SCN8A: variants seen among roughly 807,000 people sequenced by gnomAD.
The protein encoded by SCN8A is sodium channel protein type 8 subunit alpha.
SCN8A carries 30 observed loss-of-function variants against 184.1 expected under a neutral mutation model. The ratio of observed to expected loss-of-function variants is 0.16; its 90% confidence interval spans 0.12 to 0.22. The LOEUF (loss-of-function observed/expected upper bound fraction) is 0.22. Among genes scored for constraint, SCN8A ranks in the 10% least tolerant of loss-of-function variants. The probability of loss-of-function intolerance (pLI) is 1.00; values close to 1 mark genes in which losing one functional copy is unlikely to be tolerated. For synonymous variants in SCN8A, 852 were observed against 907.0 expected (o/e 0.94, Z 1.09); for missense variants, 1,057 against 2,498.9 (o/e 0.42, Z 12.30).
chr12:51,633,967 A>G (rs1940257193), intron 1 of SCN8A, among the ~76,000 whole-genome samples: 1 of 152,214 alleles, frequency 6.6e-6, no homozygotes, highest in Non-Finnish European at 1.5e-5. Flanking sequence ...TATCTACCCA[A>G]GAGAAACTTA....
intron 1 of SCN8A, among the ~76,000 whole-genome samples, chr12:51,653,940 C>G (rs1252814078): frequency 6.6e-6 from 1 of 152,140 alleles, no homozygotes; most frequent in African/African-American, 2.4e-5. Flanking sequence ...TTCATATTAC[C>G]TAATGATTAA....
chr12:51,774,328 A>G lies in SCN8A; in HGVS notation c.3785A>G (p.Asn1262Ser). The part of the protein sequence containing the change: ...TAYGFVKFFT[N>S]AWCWLDFLIV... ...TATGGCTTCGTCAAGTTCTTCACCAATGCCTGGTGTTGGCTGGACTTCCTC... is the reference window on the plus strand; with the variant it reads ...TATGGCTTCGTCAAGTTCTTCACCAGTGCCTGGTGTTGGCTGGACTTCCTC... Residue 1262 changes from asparagine to serine, a missense_variant, in exon 20 of 27, where the codon AAT becomes AGT. Physicochemically the swap from Asn to Ser is conservative, Grantham distance 46. Coordinates refer to ENST00000627620, the MANE Select transcript of SCN8A (RefSeq NM_001330260.2). 1.2e-6 allele frequency: 2 copies of G among 1,613,006 alleles called. No homozygotes were observed. The highest frequency in any genetic ancestry group is 1.7e-6 in the Non-Finnish European group (2 of 1,179,388).
intron 19 of SCN8A, 84 bp from the exon 20 acceptor site, chr12:51,774,105 G>A: frequency 7.8e-7 from 1 of 1,279,942 alleles, no homozygotes; most frequent in Non-Finnish European, 1.1e-6. Flanking sequence ...AGCCCATGTG[G>A]GACGGCTCCC....
chr12:51,686,539 C>A, intron 4 of SCN8A, 82 bp downstream of exon 4: 5 of 922,646 alleles, frequency 5.4e-6, no homozygotes, highest in Admixed American at 4.7e-5. Flanking sequence ...GTTTACCCAT[C>A]AAGGAGAAAA....
intron 1 of SCN8A, among the ~76,000 whole-genome samples, chr12:51,612,320 C>G (rs1490062473): frequency 1.3e-5 from 2 of 152,170 alleles, no homozygotes; most frequent in East Asian, 3.9e-4. Context: ...TGCCACCACA[C>G]TTGGCTAATT....
intron 12 of SCN8A, among the ~76,000 whole-genome samples, chr12:51,737,856 CAGTT>C (rs1942353191): frequency 6.6e-6 from 1 of 152,144 alleles, no homozygotes; most frequent in Non-Finnish European, 1.5e-5. Context: ...GCTTTTAAGT[CAGTT>C]AACATTCTCC....
intron 19 of SCN8A, among the ~76,000 whole-genome samples, chr12:51,772,723 G>A (rs1365073348): frequency 6.6e-6 from 1 of 151,514 alleles, no homozygotes; most frequent in Admixed American, 6.6e-5. Flanking sequence ...GCTCACACCT[G>A]TAATCCCAGC....
At chr12:51,758,212 C>T (rs1942706842) in intron 14 of SCN8A, among the ~76,000 whole-genome samples, 1 of 152,138 alleles carries the variant, frequency 6.6e-6, no homozygotes, top group South Asian at 2.1e-4. Flanking sequence ...ATCCCAGCTA[C>T]TCAGGATGCT....
chr12:51,702,321 C>CAA (rs747855764), intron 8 of SCN8A, among the ~76,000 whole-genome samples: 926 of 76,472 alleles, frequency 0.012, 13 homozygotes, highest in African/African-American at 0.032. Flanking sequence ...GACTCTGTAT[C>CAA]AAAAAAAAAA....
At chr12:51,711,700 T>C (rs1352610900) in intron 11 of SCN8A, among the ~76,000 whole-genome samples, 1 of 144,848 alleles carries the variant, frequency 6.9e-6, no homozygotes, top group African/African-American at 2.5e-5. Context: ...TTTATTTCCA[T>C]AGCTTCTGAG....
chr12:51,660,758 GTGCT>G (rs995528165), intron 1 of SCN8A, among the ~76,000 whole-genome samples: 1 of 152,262 alleles, frequency 6.6e-6, no homozygotes, highest in Non-Finnish European at 1.5e-5. Context: ...TACCAGCAAG[GTGCT>G]TGGAATAATG....
At chr12:51,720,817 G>A (rs1942040683) in intron 11 of SCN8A, among the ~76,000 whole-genome samples, 1 of 151,844 alleles carries the variant, frequency 6.6e-6, no homozygotes, top group Non-Finnish European at 1.5e-5. Flanking sequence ...TGTAATCCCA[G>A]CACTTTGGGA....
At chr12:51,727,221 G>A (rs1448319394) in intron 12 of SCN8A, among the ~76,000 whole-genome samples, 1 of 152,000 alleles carries the variant, frequency 6.6e-6, no homozygotes, top group Admixed American at 6.6e-5. Context: ...CTTGTACGGG[G>A]TTTAACTTCC....
intron 17 of SCN8A, among the ~76,000 whole-genome samples, 174 bp from the exon 18 acceptor site, chr12:51,769,694 T>C (rs1942893108): frequency 6.6e-6 from 1 of 152,180 alleles, no homozygotes; most frequent in Non-Finnish European, 1.5e-5. Flanking sequence ...TTATATCCCA[T>C]CTGGACAGAA....
At chr12:51,638,891 G>A (rs1051424072) in intron 1 of SCN8A, among the ~76,000 whole-genome samples, 11 of 152,216 alleles carry the variant, frequency 7.2e-5, no homozygotes, top group Admixed American at 6.5e-4. Flanking sequence ...AGAATTAGAA[G>A]TGGAGCCTAG....
Position 51,807,298 on chromosome 12 carries a change from A to C in SCN8A, c.5812A>C (p.Thr1938Pro). 1 of 1,613,796 alleles carries C rather than the reference A, an allele frequency of 6.2e-7. No individual in the cohort carries two copies. The highest frequency in any genetic ancestry group is 1.1e-5 in the South Asian group (1 of 91,054). ...CACACACCGGGAGAAAAAAGAGAGC[A>C]CCCCATCTACAGCCTCCCTCCCGTC... is the stretch of plus-strand genomic sequence containing the variant. Reference protein sequence around the residue: ...GGTHREKKESTPSTASLPSYD... With the variant: ...GGTHREKKESPPSTASLPSYD... The change falls in exon 27 of 27, where the codon ACC becomes CCC. Residue 1938 changes from threonine (T) to proline (P), a missense_variant. Physicochemically the swap from Thr to Pro is conservative, Grantham distance 38. Around this residue, in one of 19 missense-constraint regions of SCN8A, gnomAD observed 95 missense variants for 140.2 expected, o/e 0.68. Coordinates refer to ENST00000627620, the MANE Select transcript of SCN8A (RefSeq NM_001330260.2). The surrounding 1 kb of genome is among the most constrained non-coding windows in gnomAD (Gnocchi z 4.5).
chr12:51,644,900 A>G (rs971238855), intron 1 of SCN8A, among the ~76,000 whole-genome samples: 1 of 150,060 alleles, frequency 6.7e-6, no homozygotes, highest in African/African-American at 2.5e-5. Context: ...CCCGTCTGAG[A>G]AGTGAGGAGA....
At chr12:51,775,900 AG>A (rs1319786283) in intron 20 of SCN8A, among the ~76,000 whole-genome samples, 1 of 152,164 alleles carries the variant, frequency 6.6e-6, no homozygotes, top group East Asian at 1.9e-4. Context: ...CCCTAGGGTG[AG>A]CTACCCAGAA....
chr12:51,676,277 A>G (rs903086293), intron 2 of SCN8A, among the ~76,000 whole-genome samples: 3 of 152,206 alleles, frequency 2.0e-5, no homozygotes, highest in Non-Finnish European at 4.4e-5. Flanking sequence ...CACTGGGGCT[A>G]TATAATATAA....
Sources: gnomAD v4.1 joint callset for allele counts (sites outside exome capture counted in the v4.1 genomes callset) on GRCh38, gnomAD v4.1.1 for gene constraint, gnomAD v4.1.1 regional missense constraint, Gnocchi (gnomAD v3.1) non-coding constraint, MANE v1.5 for transcripts, NCBI Gene and HGNC (gene_info 2026-07-23, HGNC 2026-07-21) for gene names.